Variants in EML4 observed in about 807,000 individuals in gnomAD.
The protein encoded by EML4 is EMAP like 4, also known as echinoderm microtubule-associated protein-like 4.
In EML4, 72 loss-of-function variants were observed where a neutral mutation model predicts 129.0. That is an observed-to-expected ratio of 0.56 (90% CI 0.46 to 0.68). The LOEUF is 0.68. Ranked by LOEUF, EML4 falls within the 30% of genes least tolerant of loss-of-function variation. The pLI is 0.00. For missense variants in EML4, 1,363 were observed against 1,190.6 expected (o/e 1.14, Z -2.13); for synonymous variants, 532 against 405.0 (o/e 1.31, Z -3.77).
At chr2:42,286,686 T>C (rs1667325714) in intron 10 of EML4, among the ~76,000 whole-genome samples, 1 of 152,214 alleles carries the variant, frequency 6.6e-6, no homozygotes, top group Non-Finnish European at 1.5e-5. Context: ...ATAGTACAAT[T>C]TCAGACAAGC....
chr2:42,261,476 A>C (rs1665732030), intron 4 of EML4, 182 bp downstream of exon 4: 3 of 396,534 alleles, frequency 7.6e-6, no homozygotes, highest in Non-Finnish European at 4.3e-6. Flanking sequence ...AATTAAGGTC[A>C]CAATTTCTCA....
chr2:42,229,337 G>A (rs111673757), intron 1 of EML4, among the ~76,000 whole-genome samples: 1 of 152,150 alleles, frequency 6.6e-6, no homozygotes, highest in Non-Finnish European at 1.5e-5. Context: ...TAAGAAACTT[G>A]CCTGGGTATA....
At chr2:42,212,312 A>G (rs2104030304) in intron 1 of EML4, among the ~76,000 whole-genome samples, 1 of 152,322 alleles carries the variant, frequency 6.6e-6, no homozygotes, top group African/African-American at 2.4e-5. Flanking sequence ...TTTCAAAGTA[A>G]TGCATGCTAT....
At chr2:42,169,921 C>G (rs1021239066) in intron 1 of EML4, 2 of 364,114 alleles carry the variant, frequency 5.5e-6, no homozygotes, top group Non-Finnish European at 1.0e-5. Flanking sequence ...TCAGGCCCCC[C>G]GATAGCTGGC....
intron 1 of EML4, among the ~76,000 whole-genome samples, chr2:42,200,000 G>C (rs755516674): frequency 8.6e-5 from 13 of 151,990 alleles, no homozygotes; most frequent in Non-Finnish European, 1.9e-4. Flanking sequence ...GGGTAAATAA[G>C]GTTGCTGAGA....
At chr2:42,315,357 C>G (rs965236085) in intron 17 of EML4, among the ~76,000 whole-genome samples, 4 of 152,290 alleles carry the variant, frequency 2.6e-5, no homozygotes, top group Non-Finnish European at 5.9e-5. Flanking sequence ...GTGTCTTCTT[C>G]AAGAACACTG....
chr2:42,282,671 G>A (rs1572684817), intron 7 of EML4, 152 bp from the exon 8 acceptor site: 13 of 668,796 alleles, frequency 1.9e-5, no homozygotes, highest in Middle Eastern at 4.2e-4. Flanking sequence ...AGGATTACAC[G>A]TGTGAGCACT....
At chr2:42,274,490 A>G (rs1666545994) in intron 6 of EML4, among the ~76,000 whole-genome samples, 1 of 152,202 alleles carries the variant, frequency 6.6e-6, no homozygotes, top group Non-Finnish European at 1.5e-5. Context: ...GCTTAAAAAG[A>G]AAATCACTGG....
intron 13 of EML4, among the ~76,000 whole-genome samples, chr2:42,298,511 T>C (rs959745602): frequency 5.9e-5 from 9 of 152,318 alleles, no homozygotes; most frequent in African/African-American, 2.2e-4. Flanking sequence ...GCTATAAATT[T>C]GTTTTACAGG....
chr2:42,292,057 G>A (rs1259636346), intron 11 of EML4, among the ~76,000 whole-genome samples: 1 of 152,214 alleles, frequency 6.6e-6, no homozygotes, highest in Non-Finnish European at 1.5e-5. Flanking sequence ...GTTGATAATA[G>A]CCATATTATC....
At chr2:42,321,450 C>A (rs1431603992) in intron 19 of EML4, among the ~76,000 whole-genome samples, 1 of 152,052 alleles carries the variant, frequency 6.6e-6, no homozygotes, top group Non-Finnish European at 1.5e-5. Flanking sequence ...TTAAAAGAGG[C>A]CATCAAGAAC....
At position 42,170,014 on chromosome 2, in the gene EML4, C is replaced by G. The variant is rs533378889; in HGVS notation, c.25+378C>G. 7 of 198,926 alleles carry G rather than the reference C, an allele frequency of 3.5e-5. No individual in the cohort carries two copies. In the East Asian group the frequency reaches 7.2e-4, roughly 21 times the overall value. 12.3% of individuals were successfully genotyped at this position (198,926 alleles called of 1,614,324 possible). ...ATTTCTTCAAATCCAGGCTCCTCTT[C>G]AGGGTACAACCTTCCACCACCTTTC... On this transcript the variant is annotated intron_variant, in intron 1 of 22. Coordinates refer to ENST00000318522, the MANE Select transcript of EML4 (RefSeq NM_019063.5).
intron 17 of EML4, among the ~76,000 whole-genome samples, chr2:42,315,546 C>G (rs1204765850): frequency 6.6e-6 from 1 of 152,096 alleles, no homozygotes; most frequent in East Asian, 1.9e-4. Flanking sequence ...ACATATCATA[C>G]TTAAGGACCA....
intron 2 of EML4, among the ~76,000 whole-genome samples, chr2:42,246,899 C>G (rs1368234505): frequency 6.6e-6 from 1 of 152,096 alleles, no homozygotes; most frequent in East Asian, 1.9e-4. Flanking sequence ...TCTCCAAAAG[C>G]AATTTTAGTG....
intron 1 of EML4, among the ~76,000 whole-genome samples, chr2:42,228,621 A>C (rs886821251): frequency 6.6e-6 from 1 of 152,178 alleles, no homozygotes; most frequent in Non-Finnish European, 1.5e-5. Flanking sequence ...ATTTCTCATG[A>C]GTATTTTGCT....
intron 1 of EML4, among the ~76,000 whole-genome samples, chr2:42,232,111 G>C (rs1674383951): frequency 6.6e-6 from 1 of 152,128 alleles, no homozygotes; most frequent in Admixed American, 6.5e-5. Flanking sequence ...ACAGAAAAGA[G>C]AGAAGATGAT....
chr2:42,257,171 G>A (rs1484838747), intron 3 of EML4, among the ~76,000 whole-genome samples: 1 of 151,946 alleles, frequency 6.6e-6, no homozygotes, highest in Admixed American at 6.6e-5. Flanking sequence ...TGGAATTACA[G>A]CAATATAAGT....
intron 1 of EML4, among the ~76,000 whole-genome samples, chr2:42,212,106 A>G (rs996540255): frequency 2.0e-5 from 3 of 152,142 alleles, no homozygotes; most frequent in Admixed American, 1.3e-4. Flanking sequence ...TCAGCCCTCT[A>G]AAGTGTTGGG....
chr2:42,225,723 T>C (rs1673915368), intron 1 of EML4, among the ~76,000 whole-genome samples: 1 of 152,168 alleles, frequency 6.6e-6, no homozygotes, highest in Non-Finnish European at 1.5e-5. Flanking sequence ...TCCCTGCAGA[T>C]AGAAGTTTGC....
Sources: allele counts gnomAD v4.1 joint callset (sites outside exome capture counted in the v4.1 genomes callset), GRCh38; gene constraint gnomAD v4.1.1; transcripts MANE v1.5; gene names NCBI Gene and HGNC (gene_info 2026-07-23, HGNC 2026-07-21).